Variants in LARP1B observed in about 807,000 individuals in gnomAD.
LARP1B encodes La ribonucleoprotein 1B.
A neutral mutation model predicts 114.2 loss-of-function variants in LARP1B; 76 were observed. The observed-to-expected ratio is 0.67, with a 90% CI of 0.55 to 0.81. LARP1B has a LOEUF of 0.81. Ranked by LOEUF, LARP1B falls within the 30% of genes least tolerant of loss-of-function variation. The pLI is 0.00. For missense variants in LARP1B, 1,014 were observed against 1,075.8 expected (o/e 0.94, Z 0.80); for synonymous variants, 345 against 348.0 (o/e 0.99, Z 0.10).
At position 128,210,156 on chromosome 4, in the gene LARP1B, T is replaced by G. The variant is rs1758724176; in HGVS notation, c.*103T>G. ...CTTGAAGTCAACATTTACATCAGTA[T>G]TTATTTGGGGAAAATCTTCTGGTGT... On this transcript the variant is annotated 3_prime_UTR_variant, in exon 20 of 20. Transcript: ENST00000326639. The G allele has an allele frequency of 6.5e-7, 1 of 1,547,682 alleles. No individual in the cohort carries two copies. Among genetic ancestry groups the G allele is most frequent in the Non-Finnish European group, 8.7e-7 (1 of 1,147,060 alleles).
chr4:128,154,428 C>G (rs903922048), intron 11 of LARP1B, among the ~76,000 whole-genome samples: 1 of 152,030 alleles, frequency 6.6e-6, no homozygotes, highest in Non-Finnish European at 1.5e-5. Context: ...GGTTCCTCAC[C>G]CCCTTCAGGA....
At chr4:128,193,802 GAGAC>G (rs1331150614) in intron 15 of LARP1B, among the ~76,000 whole-genome samples, 3 of 151,962 alleles carry the variant, frequency 2.0e-5, no homozygotes, top group African/African-American at 7.3e-5. Flanking sequence ...ATTTTTGGTA[GAGAC>G]AGGGTTTCAC....
intron 7 of LARP1B, among the ~76,000 whole-genome samples, chr4:128,096,282 C>T (rs7691566): frequency 0.6 from 91,652 of 152,028 alleles, 28,506 homozygotes; most frequent in Middle Eastern, 0.8. Flanking sequence ...CGTGAGCCAC[C>T]GCGCCCGGCC....
intron 5 of LARP1B, among the ~76,000 whole-genome samples, chr4:128,083,847 C>G (rs1459323189): frequency 6.6e-6 from 1 of 151,098 alleles, no homozygotes. Context: ...CGGGCGGAGA[C>G]GCTCCTCACT....
At chr4:128,078,966 A>T (rs187999838) in intron 4 of LARP1B, among the ~76,000 whole-genome samples, 212 of 152,272 alleles carry the variant, frequency 1.4e-3, no homozygotes, top group Non-Finnish European at 2.7e-3. Flanking sequence ...ACCATGGGAA[A>T]CCATTGAACC....
intron 7 of LARP1B, among the ~76,000 whole-genome samples, chr4:128,097,647 A>G (rs1778564305): frequency 6.6e-6 from 1 of 152,192 alleles, no homozygotes; most frequent in Admixed American, 6.5e-5. Context: ...GCTGGTTACT[A>G]GGCTTCAGAA....
rs575458332 is a variant in LARP1B, at chr4:128,169,659, C to T, written c.1649-7213C>T. Among the ~76,000 whole-genome samples, 22 of 152,122 alleles carry T rather than the reference C, an allele frequency of 1.4e-4. No homozygotes were observed. The South Asian group carries it at 3.5e-3, about 24-fold the overall frequency. ...TATATATTTTTTTAAGACAGAATCTCGGAGTCTCGCCCTGTCGCCCAGGCT... is the reference window on the plus strand; with the variant it reads ...TATATATTTTTTTAAGACAGAATCTTGGAGTCTCGCCCTGTCGCCCAGGCT... On this transcript the variant is annotated intron_variant, in intron 12 of 19. Transcript: ENST00000326639.
intron 12 of LARP1B, among the ~76,000 whole-genome samples, chr4:128,169,709 T>A (rs1414640276): frequency 1.3e-5 from 2 of 152,184 alleles, no homozygotes; most frequent in Non-Finnish European, 2.9e-5. Context: ...CAATCTCGGC[T>A]CACTGCCACC....
At chr4:128,196,711 A>G (rs1205896248) in intron 15 of LARP1B, among the ~76,000 whole-genome samples, 5 of 152,060 alleles carry the variant, frequency 3.3e-5, no homozygotes, top group Non-Finnish European at 7.4e-5. Flanking sequence ...TTATATATCA[A>G]AAGTATTGAA....
intron 1 of LARP1B, 103 bp from the exon 2 acceptor site, chr4:128,074,357 G>T: frequency 5.5e-6 from 1 of 183,478 alleles, no homozygotes; most frequent in Non-Finnish European, 1.0e-5. Flanking sequence ...GATTTTGGTT[G>T]GAAATGATGA....
rs1225791866 is a variant in LARP1B at position 128,211,762 on chromosome 4, A to G, written c.*1709A>G. 1.1e-6 allele frequency: 1 copy of G among 931,868 alleles called. No individual in the cohort carries two copies. Among genetic ancestry groups the G allele is most frequent in the African/African-American group, 1.8e-5 (1 of 56,264 alleles). 57.7% of individuals were successfully genotyped at this position (931,868 alleles called of 1,614,324 possible). Reference sequence around the variant, plus strand: ...TTTGTGTTGAACACATATATCTGAAACCTGTATTTAACCAGATATTTCTAC... The same window carrying G: ...TTTGTGTTGAACACATATATCTGAAGCCTGTATTTAACCAGATATTTCTAC... On this transcript the variant is annotated 3_prime_UTR_variant, in exon 20 of 20. Transcript: ENST00000326639.
chr4:128,080,629 G>T (rs1057130670), intron 4 of LARP1B, among the ~76,000 whole-genome samples: 1 of 152,092 alleles, frequency 6.6e-6, no homozygotes, highest in African/African-American at 2.4e-5. Flanking sequence ...TTTAGATTGG[G>T]CAGAATACTG....
At chr4:128,190,318 G>A (rs865918141) in intron 15 of LARP1B, among the ~76,000 whole-genome samples, 2 of 152,140 alleles carry the variant, frequency 1.3e-5, no homozygotes, top group African/African-American at 2.4e-5. Flanking sequence ...AAAAATCAGA[G>A]CTCTTTTATA....
intron 11 of LARP1B, among the ~76,000 whole-genome samples, chr4:128,151,022 A>G (rs544849660): frequency 6.6e-6 from 1 of 152,324 alleles, no homozygotes; most frequent in South Asian, 2.1e-4. Flanking sequence ...ATGCATCTAT[A>G]TTTTATTCCC....
At chr4:128,156,046 C>A (rs1308719674) in intron 11 of LARP1B, 1 of 1,584,468 alleles carries the variant, frequency 6.3e-7, no homozygotes, top group African/African-American at 1.3e-5. Context: ...CACCCCCAAG[C>A]TCATGACCAC....
chr4:128,220,491 C>A (rs1759929948), intron 7 of LARP1B: 5 of 214,796 alleles, frequency 2.3e-5, no homozygotes, highest in Non-Finnish European at 3.2e-5. Context: ...GTGGTGATAT[C>A]ATATAATTAT....
At position 128,093,080 on chromosome 4, in the gene LARP1B, G is replaced by T. The variant is rs1297156417; in HGVS notation, c.668+1568G>T. On this transcript the variant is annotated intron_variant, in intron 7 of 19. Coordinates refer to ENST00000326639, the MANE Select transcript of LARP1B (RefSeq NM_018078.4). ...GACACTGAGCAAAATGTCAGACATG[G>T]CATTGGTCATGCCTCTTTTTTTGTT... 6 of 977,524 alleles carry T rather than the reference G, an allele frequency of 6.1e-6. No homozygotes were observed. The South Asian group carries it at 1.4e-4, about 23-fold the overall frequency. 60.6% of individuals were successfully genotyped at this position (977,524 alleles called of 1,614,324 possible).
chr4:128,182,531 T>C (rs1748895625), intron 15 of LARP1B, among the ~76,000 whole-genome samples: 1 of 152,158 alleles, frequency 6.6e-6, no homozygotes, highest in South Asian at 2.1e-4. Context: ...ATTGTATGTT[T>C]TCTGGCTGCT....
chr4:128,171,434 A>G (rs1160803365), intron 12 of LARP1B, among the ~76,000 whole-genome samples: 1 of 152,168 alleles, frequency 6.6e-6, no homozygotes, highest in Admixed American at 6.6e-5. Flanking sequence ...CACTCAGCTG[A>G]AATTTCTTTA....
Sources: gnomAD v4.1 joint callset for allele counts (sites outside exome capture counted in the v4.1 genomes callset) on GRCh38, gnomAD v4.1.1 for gene constraint, MANE v1.5 for transcripts, NCBI Gene and HGNC (gene_info 2026-07-23, HGNC 2026-07-21) for gene names.